The following NCAM2 variants were observed in gnomAD, a reference collection of about 807,000 sequenced individuals.
The protein encoded by NCAM2 is N-CAM-2.
In NCAM2, 30 loss-of-function variants were observed where a neutral mutation model predicts 98.1. The ratio of observed to expected loss-of-function variants is 0.31; its 90% CI spans 0.23 to 0.41. The LOEUF (loss-of-function observed/expected upper bound fraction) is 0.41, where lower values mean the gene tolerates loss of function less well. Among genes scored for constraint, NCAM2 ranks in the 10% least tolerant of loss-of-function variants. NCAM2 has a pLI of 1.00. For missense variants in NCAM2, 867 were observed against 1,005.8 expected (o/e 0.86, Z 1.87); for synonymous variants, 368 against 342.4 (o/e 1.07, Z -0.83).
chr21:21,395,966 AC>A (rs1318451728), intron 9 of NCAM2, among the ~76,000 whole-genome samples: 3 of 152,208 alleles, frequency 2.0e-5, no homozygotes, highest in African/African-American at 7.2e-5. Context: ...AAACTTCATG[AC>A]CAAGAACCTA....
chr21:21,452,900 A>G (rs1327643266), intron 12 of NCAM2, among the ~76,000 whole-genome samples: 8 of 103,930 alleles, frequency 7.7e-5, no homozygotes, highest in Non-Finnish European at 1.2e-4. Context: ...TATATAATAT[A>G]TAATATATAT....
At position 21,263,699 on chromosome 21, in the gene NCAM2, A is replaced by G. The variant is rs537389083; in HGVS notation, c.56-16879A>G. ...AACAGAATAGACAATGCAAAAATAT[A>G]GCCACACACCTACAACCAACTGATC... is the stretch of plus-strand genomic sequence containing the variant. On this transcript the variant is annotated intron_variant, in intron 1 of 17. Transcript: ENST00000400546. Among the ~76,000 whole-genome samples the G allele has an allele frequency of 4.1e-4, 62 of 152,246 alleles. No individual in the cohort carries two copies. The South Asian group carries it at 0.012, about 31-fold the overall frequency.
At chr21:21,487,004 A>T (rs2826860) in intron 15 of NCAM2, among the ~76,000 whole-genome samples, 2 of 151,866 alleles carry the variant, frequency 1.3e-5, no homozygotes, top group Non-Finnish European at 1.5e-5. Context: ...TCTGAGATAC[A>T]CATAAATTCT....
At chr21:21,296,089 A>G (rs1263470086) in intron 5 of NCAM2, among the ~76,000 whole-genome samples, 3 of 151,816 alleles carry the variant, frequency 2.0e-5, no homozygotes, top group African/African-American at 7.2e-5. Flanking sequence ...TATATGTTTT[A>G]CACTATATTG....
intron 1 of NCAM2, among the ~76,000 whole-genome samples, chr21:21,002,366 G>T (rs188357997): frequency 6.6e-6 from 1 of 152,156 alleles, no homozygotes; most frequent in Non-Finnish European, 1.5e-5. Context: ...TGGAACAAAA[G>T]AACCTCATTC....
chr21:21,181,247 A>G (rs2068457981), intron 1 of NCAM2, among the ~76,000 whole-genome samples: 1 of 152,102 alleles, frequency 6.6e-6, no homozygotes, highest in African/African-American at 2.4e-5. Flanking sequence ...CTAATTTTTT[A>G]TCATCTTTAA....
At chr21:21,339,423 C>A (rs1186878197) in intron 8 of NCAM2, among the ~76,000 whole-genome samples, 2 of 151,904 alleles carry the variant, frequency 1.3e-5, no homozygotes, top group Non-Finnish European at 2.9e-5. Flanking sequence ...TTATATTTCA[C>A]AACTTTTCAT....
At chr21:21,398,210 T>G (rs564299314) in intron 9 of NCAM2, among the ~76,000 whole-genome samples, 13 of 152,150 alleles carry the variant, frequency 8.5e-5, no homozygotes, top group African/African-American at 3.1e-4. Flanking sequence ...GGAACTAAGC[T>G]ATGAGGATGC....
At chr21:21,096,884 TCTC>T (rs1569019239) in intron 1 of NCAM2, among the ~76,000 whole-genome samples, 2 of 151,682 alleles carry the variant, frequency 1.3e-5, no homozygotes, top group Non-Finnish European at 3.0e-5. Flanking sequence ...CAACCGGATT[TCTC>T]ATTTATGCCA....
chr21:21,204,659 A>C (rs2069366979), intron 1 of NCAM2, among the ~76,000 whole-genome samples: 1 of 152,106 alleles, frequency 6.6e-6, no homozygotes, highest in South Asian at 2.1e-4. Context: ...ACATATACCA[A>C]AGTTCAACTG....
At chr21:21,272,327 T>C (rs978970752) in intron 1 of NCAM2, among the ~76,000 whole-genome samples, 1 of 152,186 alleles carries the variant, frequency 6.6e-6, no homozygotes, top group Non-Finnish European at 1.5e-5. Context: ...AGTGTTGGAC[T>C]GGTAACCACT....
intron 1 of NCAM2, among the ~76,000 whole-genome samples, chr21:21,110,285 A>G (rs1389065079): frequency 6.6e-6 from 1 of 152,170 alleles, no homozygotes; most frequent in Non-Finnish European, 1.5e-5. Flanking sequence ...TGTGTTTGGC[A>G]GCATGCTTGA....
chr21:21,087,761 C>T (rs1175267283), intron 1 of NCAM2, among the ~76,000 whole-genome samples: 3 of 152,108 alleles, frequency 2.0e-5, no homozygotes, highest in Non-Finnish European at 2.9e-5. Flanking sequence ...AGATCCTGGT[C>T]TTGCAATTCA....
At chr21:21,472,304 C>T (rs1189910456) in intron 14 of NCAM2, among the ~76,000 whole-genome samples, 4 of 151,928 alleles carry the variant, frequency 2.6e-5, no homozygotes, top group Admixed American at 6.6e-5. Context: ...CGAGGTTGTA[C>T]ACTATCTCAA....
intron 1 of NCAM2, among the ~76,000 whole-genome samples, chr21:21,161,440 A>G (rs1457616579): frequency 6.6e-6 from 1 of 151,792 alleles, no homozygotes; most frequent in Non-Finnish European, 1.5e-5. Flanking sequence ...TTGTTTTTTA[A>G]TATATTCACA....
chr21:21,134,783 A>G (rs2067008983), intron 1 of NCAM2, among the ~76,000 whole-genome samples: 1 of 150,340 alleles, frequency 6.7e-6, no homozygotes. Flanking sequence ...CAGTGATCAC[A>G]ACTCGCTGCA....
chr21:21,051,178 T>G (rs973310728), intron 1 of NCAM2, among the ~76,000 whole-genome samples: 14 of 152,224 alleles, frequency 9.2e-5, no homozygotes, highest in Non-Finnish European at 1.5e-4. Flanking sequence ...ATGGTTTTTT[T>G]CACAGCCAGC....
At chr21:21,174,901 G>A (rs932083367) in intron 1 of NCAM2, among the ~76,000 whole-genome samples, 1 of 152,062 alleles carries the variant, frequency 6.6e-6, no homozygotes, top group Non-Finnish European at 1.5e-5. Flanking sequence ...CATGTCCAAA[G>A]CTAAGAAAAG....
chr21:21,486,323 A>AAAAC (rs1986379238), intron 15 of NCAM2, among the ~76,000 whole-genome samples: 1 of 151,088 alleles, frequency 6.6e-6, no homozygotes, highest in African/African-American at 2.4e-5. Flanking sequence ...AAAAAAAAAA[A>AAAAC]AAAAACTTCT....
Sources: gnomAD v4.1 joint callset for allele counts (sites outside exome capture counted in the v4.1 genomes callset) on GRCh38, gnomAD v4.1.1 for gene constraint, MANE v1.5 for transcripts, NCBI Gene and HGNC (gene_info 2026-07-23, HGNC 2026-07-21) for gene names.